NLK: variants seen among roughly 807,000 people sequenced by gnomAD.
NLK encodes the protein serine/threonine-protein kinase NLK.
NLK carries 11 observed loss-of-function variants against 59.0 expected under a neutral mutation model. That is an observed-to-expected ratio of 0.19 (90% CI 0.12 to 0.31). The LOEUF (loss-of-function observed/expected upper bound fraction) is 0.31. Among genes scored for constraint, NLK ranks in the 10% least tolerant of loss-of-function variants. The probability of loss-of-function intolerance (pLI) is 1.00; values close to 1 mark genes in which losing one functional copy is unlikely to be tolerated. For synonymous variants in NLK, 235 were observed against 235.9 expected (o/e 1.00, Z 0.03); for missense variants, 410 against 661.1 (o/e 0.62, Z 4.16).
chr17:28,109,598 A>C (rs1597685735), intron 1 of NLK, among the ~76,000 whole-genome samples: 1 of 152,212 alleles, frequency 6.6e-6, no homozygotes, highest in African/African-American at 2.4e-5. Flanking sequence ...AGAATTTCTT[A>C]TAAGTGATAT....
chr17:28,164,122 C>T (rs1908123276), intron 5 of NLK, among the ~76,000 whole-genome samples: 1 of 152,238 alleles, frequency 6.6e-6, no homozygotes, highest in South Asian at 2.1e-4. Flanking sequence ...GTAATTCCAG[C>T]ATTTTGGGAG....
At chr17:28,147,099 T>C (rs1907288087) in intron 3 of NLK, among the ~76,000 whole-genome samples, 1 of 152,194 alleles carries the variant, frequency 6.6e-6, no homozygotes. Context: ...TTCCAACCTC[T>C]TGGCTGTTGC....
intron 7 of NLK, among the ~76,000 whole-genome samples, chr17:28,179,872 G>GTTTTTTTTTTTTTTTTTTTTT (rs34411493): frequency 1.3e-5 from 1 of 79,412 alleles, no homozygotes. Context: ...AGCATTCTTG[G>GTTTTTTTTTTTTTTTTTTTTT]TTTTTTTTTT....
rs1488085256 is a variant in NLK at position 28,071,763 on chromosome 17, A to AT, written c.458+28432_458+28433insT. Among the ~76,000 whole-genome samples the AT allele has an allele frequency of 2.6e-5, 4 of 152,336 alleles. No homozygotes were observed. In the East Asian group the frequency reaches 7.7e-4, roughly 29 times the overall value. On this transcript the variant is annotated intron_variant, in intron 1 of 10. Transcript: ENST00000407008. ...AGGCTTCATCAGAAAGAATTGGCAGAACAGGTCTGGAGAGCCTCAGGTTTT... is the reference window on the plus strand; with the variant it reads ...AGGCTTCATCAGAAAGAATTGGCAGATACAGGTCTGGAGAGCCTCAGGTTTT...
chr17:28,189,900 G>A (rs185678954), intron 8 of NLK, among the ~76,000 whole-genome samples: 58 of 152,240 alleles, frequency 3.8e-4, no homozygotes, highest in African/African-American at 1.3e-3. Flanking sequence ...ATAAACACCC[G>A]CTTTCTTCTG....
At chr17:28,082,485 G>A (rs1198133084) in intron 1 of NLK, among the ~76,000 whole-genome samples, 2 of 152,164 alleles carry the variant, frequency 1.3e-5, no homozygotes, top group African/African-American at 4.8e-5. Context: ...CTGCTAATAT[G>A]TTCATCCCCT....
intron 1 of NLK, among the ~76,000 whole-genome samples, chr17:28,069,115 T>G (rs1052066373): frequency 6.6e-6 from 1 of 152,252 alleles, no homozygotes; most frequent in African/African-American, 2.4e-5. Flanking sequence ...TTTTGGTTTC[T>G]GTCATCTTTG....
chr17:28,138,466 G>T (rs1215152764), intron 3 of NLK, among the ~76,000 whole-genome samples: 3 of 152,172 alleles, frequency 2.0e-5, no homozygotes, highest in African/African-American at 7.2e-5. Flanking sequence ...GGTTTTGCTT[G>T]TGCAGGCAGT....
intron 1 of NLK, among the ~76,000 whole-genome samples, chr17:28,070,917 T>C (rs759608520): frequency 1.3e-5 from 2 of 152,204 alleles, no homozygotes; most frequent in Non-Finnish European, 2.9e-5. Flanking sequence ...CTTTTCTGTT[T>C]CATTAGTCTT....
chr17:28,160,602 G>T (rs1277640927), intron 3 of NLK, among the ~76,000 whole-genome samples: 1 of 152,126 alleles, frequency 6.6e-6, no homozygotes, highest in African/African-American at 2.4e-5. Flanking sequence ...ATGGTGGGGA[G>T]GGGTGTTTCA....
intron 1 of NLK, among the ~76,000 whole-genome samples, chr17:28,046,198 C>G (rs909985115): frequency 2.0e-5 from 3 of 152,204 alleles, no homozygotes; most frequent in African/African-American, 7.2e-5. Flanking sequence ...AGATTTATCA[C>G]TGAACAATTT....
Position 28,060,451 on chromosome 17 carries a change from A to G in NLK, c.458+17120A>G, listed in dbSNP as rs189924794. Among the ~76,000 whole-genome samples, 345 of 152,240 alleles carry G rather than the reference A, an allele frequency of 2.3e-3. 1 individual carries two copies. The highest frequency in any genetic ancestry group is 7.7e-3 in the African/African-American group (321 of 41,558). On this transcript the variant is annotated intron_variant, in intron 1 of 10. Coordinates refer to ENST00000407008, the MANE Select transcript of NLK (RefSeq NM_016231.5). ...AAGAGCTCTCTTTTTTACTTTTTAAAAATAGAGACAGGGTTTCACTATGTT... is the reference window on the plus strand; with the variant it reads ...AAGAGCTCTCTTTTTTACTTTTTAAGAATAGAGACAGGGTTTCACTATGTT...
intron 2 of NLK, among the ~76,000 whole-genome samples, chr17:28,124,006 G>A (rs1273816375): frequency 6.6e-6 from 1 of 152,140 alleles, no homozygotes; most frequent in Non-Finnish European, 1.5e-5. Context: ...TTGGCCAAAG[G>A]TTTGGTCTCA....
chr17:28,042,712 C>A lies in NLK; in HGVS notation c.-162C>A. ...CCCACACCCTTCCACACACGCTCAC[C>A]CCAAAATTAAACACCAAGATCCTCT... On this transcript the variant is annotated 5_prime_UTR_variant, in exon 1 of 11. Transcript: ENST00000407008. 1.6e-6 allele frequency: 1 copy of A among 623,398 alleles called. No homozygotes were observed. The highest frequency in any genetic ancestry group is 2.6e-6 in the Non-Finnish European group (1 of 384,510). The allele number at this position is 623,398 out of a possible 1,614,324, so 38.6% of individuals were successfully genotyped here. A position where few individuals can be genotyped will look rare whatever the true frequency, so the allele number is the denominator to read the frequency against.
intron 5 of NLK, among the ~76,000 whole-genome samples, chr17:28,166,980 C>T (rs1312491303): frequency 6.6e-6 from 1 of 152,104 alleles, no homozygotes; most frequent in African/African-American, 2.4e-5. Context: ...CATATTTATA[C>T]ATTTGAGTAT....
intron 1 of NLK, among the ~76,000 whole-genome samples, chr17:28,098,711 T>G: frequency 6.6e-6 from 1 of 150,484 alleles, no homozygotes; most frequent in African/African-American, 2.4e-5. Flanking sequence ...AGATGGATTT[T>G]TGCTCTTGTT....
intron 1 of NLK, among the ~76,000 whole-genome samples, chr17:28,072,112 G>A (rs1910024248): frequency 6.6e-6 from 1 of 152,032 alleles, no homozygotes; most frequent in Admixed American, 6.5e-5. Flanking sequence ...AACTGGAAGT[G>A]GTTAACCAGT....
At chr17:28,205,592 G>A in the NLK span, among the ~76,000 whole-genome samples, 1 of 152,158 alleles carries the variant, frequency 6.6e-6, no homozygotes, top group Non-Finnish European at 1.5e-5. Context: ...AATTATTTTA[G>A]TTGTTTCTTG....
chr17:28,043,423 C>T, intron 1 of NLK, 92 bp downstream of exon 1: 1 of 1,166,128 alleles, frequency 8.6e-7, no homozygotes, highest in Non-Finnish European at 1.2e-6. Context: ...TCCATGTTGA[C>T]CAAGGTGCAG....
Sources: allele counts gnomAD v4.1 joint callset (sites outside exome capture counted in the v4.1 genomes callset), GRCh38; gene constraint gnomAD v4.1.1; transcripts MANE v1.5; gene names NCBI Gene and HGNC (gene_info 2026-07-23, HGNC 2026-07-21).